The following DGKG variants were observed in gnomAD, a reference collection of about 807,000 sequenced individuals.
DGKG encodes the protein DAG kinase gamma.
Under a neutral mutation model 105.3 loss-of-function variants are expected in DGKG, and 78 were observed. That is an observed-to-expected ratio of 0.74 (90% CI 0.62 to 0.89). The LOEUF is 0.89. Among genes scored for constraint, DGKG ranks in the 40% least tolerant of loss-of-function variants. DGKG has a pLI of 0.00. For synonymous variants in DGKG, 346 were observed against 367.1 expected (o/e 0.94, Z 0.66); for missense variants, 958 against 1,020.1 (o/e 0.94, Z 0.83).
At chr3:186,348,947 T>C (rs1364366458) in intron 1 of DGKG, among the ~76,000 whole-genome samples, 1 of 152,154 alleles carries the variant, frequency 6.6e-6, no homozygotes, top group Non-Finnish European at 1.5e-5. Flanking sequence ...CTGGTACACA[T>C]TAACTATTTT....
At chr3:186,307,126 T>C (rs780241367) in intron 2 of DGKG, 149 bp from the exon 3 acceptor site, 3 of 624,958 alleles carry the variant, frequency 4.8e-6, no homozygotes, top group African/African-American at 3.7e-5. Context: ...CTACCCTTTG[T>C]CCTCTCACTT....
At chr3:186,211,616 C>G (rs980706705) in intron 21 of DGKG, among the ~76,000 whole-genome samples, 179 bp downstream of exon 21, 1 of 152,214 alleles carries the variant, frequency 6.6e-6, no homozygotes, top group African/African-American at 2.4e-5. Flanking sequence ...ATTCTCTAGA[C>G]AGGCCACTGG....
intron 1 of DGKG, among the ~76,000 whole-genome samples, chr3:186,348,451 C>CTTTTTTTTTTT (rs1159516433): frequency 7.9e-5 from 4 of 50,702 alleles, no homozygotes; most frequent in African/African-American, 2.9e-4. Flanking sequence ...GGCTCATAAT[C>CTTTTTTTTTTT]TTTTTTTTTT....
chr3:186,232,850 A>C (rs1009516977), intron 20 of DGKG, among the ~76,000 whole-genome samples: 11 of 152,216 alleles, frequency 7.2e-5, no homozygotes, highest in Non-Finnish European at 2.9e-5. Flanking sequence ...GAATCACCAA[A>C]ATTCAGAGTC....
chr3:186,151,461 A>G (rs544992220), intron 24 of DGKG, among the ~76,000 whole-genome samples: 132 of 152,348 alleles, frequency 8.7e-4, no homozygotes, highest in African/African-American at 2.9e-3. Flanking sequence ...TGATGGGAAC[A>G]AGGAGGAAAG....
chr3:186,180,041 GA>G (rs1428482906), intron 22 of DGKG, among the ~76,000 whole-genome samples: 1 of 152,176 alleles, frequency 6.6e-6, no homozygotes, highest in Non-Finnish European at 1.5e-5. Flanking sequence ...ATACAGAAGG[GA>G]TTATGACATC....
Position 186,320,607 on chromosome 3 carries a change from A to G in DGKG, c.-148T>C, listed in dbSNP as rs1051683593. 2.3e-6 allele frequency: 3 copies of G among 1,322,952 alleles called. No individual in the cohort carries two copies. The African/African-American group carries it at 4.4e-5, about 20-fold the overall frequency. The allele number at this position is 1,322,952 out of a possible 1,614,324, so 82.0% of individuals were successfully genotyped here. A position where few individuals can be genotyped will look rare whatever the true frequency, so the allele number is the denominator to read the frequency against. On this transcript the variant is annotated 5_prime_UTR_variant, in exon 2 of 25. Transcript: ENST00000265022. ...CTGGGAGCACTCAAGTGTATACAGC[A>G]GCAGCAGGCACCTCTCAGAAGATGA...
At position 186,148,870 on chromosome 3, in the gene DGKG, G is replaced by A. The variant is rs944961353; in HGVS notation, c.*1220C>T. 21 of 984,258 alleles carry A rather than the reference G, an allele frequency of 2.1e-5. No homozygotes were observed. The African/African-American group carries it at 3.7e-4, about 17-fold the overall frequency. 61.0% of individuals were successfully genotyped at this position (984,258 alleles called of 1,614,324 possible). On this transcript the variant is annotated 3_prime_UTR_variant, in exon 25 of 25. Coordinates refer to ENST00000265022, the MANE Select transcript of DGKG (RefSeq NM_001346.3). ...CAATGAAACGGTGGAGTGGGGGAGTGAGAACCTTCTTTTTCCTTACCACTT... is the reference window on the plus strand; with the variant it reads ...CAATGAAACGGTGGAGTGGGGGAGTAAGAACCTTCTTTTTCCTTACCACTT...
At chr3:186,198,583 A>T (rs1434571208) in intron 21 of DGKG, among the ~76,000 whole-genome samples, 2 of 152,244 alleles carry the variant, frequency 1.3e-5, no homozygotes, top group African/African-American at 4.8e-5. Context: ...CTTGGAGGAA[A>T]AAAAGCCTTT....
intron 22 of DGKG, among the ~76,000 whole-genome samples, chr3:186,185,634 G>A (rs1717590249): frequency 6.6e-6 from 1 of 152,126 alleles, no homozygotes; most frequent in Non-Finnish European, 1.5e-5. Context: ...AGCGGGGGTT[G>A]AGATAGGAGC....
At chr3:186,261,392 G>T (rs1013893868) in intron 15 of DGKG, among the ~76,000 whole-genome samples, 1 of 152,206 alleles carries the variant, frequency 6.6e-6, no homozygotes, top group Non-Finnish European at 1.5e-5. Context: ...GGCTAGAAAG[G>T]CACAGGCATC....
chr3:186,220,831 C>G (rs1459927968), intron 20 of DGKG, among the ~76,000 whole-genome samples: 1 of 152,192 alleles, frequency 6.6e-6, no homozygotes, highest in African/African-American at 2.4e-5. Context: ...TGCCTCTGAA[C>G]AGTGACCCTT....
At chr3:186,294,549 A>AG (rs1421270352) in intron 5 of DGKG, among the ~76,000 whole-genome samples, 1 of 151,928 alleles carries the variant, frequency 6.6e-6, no homozygotes, top group East Asian at 1.9e-4. Context: ...AAAAAAAAAA[A>AG]AAAAAAAGTC....
At chr3:186,262,137 G>T (rs1369733590) in intron 14 of DGKG, among the ~76,000 whole-genome samples, 2 of 152,100 alleles carry the variant, frequency 1.3e-5, no homozygotes, top group African/African-American at 4.8e-5. Flanking sequence ...CTGATCATAC[G>T]CGTAAGTGAA....
At chr3:186,259,213 C>T (rs1007245938) in intron 16 of DGKG, among the ~76,000 whole-genome samples, 5 of 152,190 alleles carry the variant, frequency 3.3e-5, no homozygotes, top group Non-Finnish European at 7.3e-5. Flanking sequence ...CGTATCAGCC[C>T]GGGAAGTAGC....
rs1191523432 is a variant in DGKG, at chr3:186,147,793, G to A, written c.*2297C>T. 1 of 985,294 alleles carries A rather than the reference G, an allele frequency of 1.0e-6. No homozygotes were observed. The highest frequency in any genetic ancestry group is 1.2e-6 in the Non-Finnish European group (1 of 829,950). 61.0% of individuals were successfully genotyped at this position (985,294 alleles called of 1,614,324 possible). On this transcript the variant is annotated 3_prime_UTR_variant, in exon 25 of 25. Transcript: ENST00000265022. ...AACTTCTGTAAATGTCTTAGAATCA[G>A]TGACCCCAAACCTGAACCTGCCTCA...
intron 20 of DGKG, among the ~76,000 whole-genome samples, chr3:186,237,623 G>T (rs1306188619): frequency 6.6e-6 from 1 of 152,134 alleles, no homozygotes; most frequent in East Asian, 1.9e-4. Context: ...ATGTTATTGT[G>T]AGCAATGAGT....
chr3:186,152,934 T>C (rs1245659210), intron 24 of DGKG, among the ~76,000 whole-genome samples: 1 of 151,022 alleles, frequency 6.6e-6, no homozygotes, highest in African/African-American at 2.4e-5. Flanking sequence ...AGTGCTGGGA[T>C]TACAGGCACC....
In DGKG at chr3:186,356,003, G is replaced by A. The variant is rs574944619; in HGVS notation, c.-249+5943C>T. On this transcript the variant is annotated intron_variant, in intron 1 of 24. Transcript: ENST00000265022. The stretch of plus-strand genomic sequence containing the variant: ...TGCTTCTTTGACAAGATTATTGGAC[G>A]GAAGATCAAGGAAATACCAGTGATG... Among the ~76,000 whole-genome samples, 18 of 152,210 alleles carry A rather than the reference G, an allele frequency of 1.2e-4. No individual in the cohort carries two copies. The South Asian group carries it at 3.3e-3, about 28-fold the overall frequency.
Sources: allele counts gnomAD v4.1 joint callset (sites outside exome capture counted in the v4.1 genomes callset), GRCh38; gene constraint gnomAD v4.1.1; transcripts MANE v1.5; gene names NCBI Gene and HGNC (gene_info 2026-07-23, HGNC 2026-07-21).